The following COX10 variants were observed in gnomAD, a reference collection of about 807,000 sequenced individuals.
COX10 encodes cytochrome c oxidase assembly factor heme A:farnesyltransferase COX10.
COX10 carries 27 observed loss-of-function variants against 37.3 expected under a neutral mutation model. The ratio of observed to expected loss-of-function variants is 0.72; its 90% CI spans 0.53 to 1.00. The LOEUF is 1.00. COX10 is among the 50% of genes least tolerant of loss of function. COX10 has a pLI of 0.00. For synonymous variants in COX10, 222 were observed against 229.1 expected, an observed-to-expected ratio of 0.97 and a Z score of 0.28; for missense variants, 475 against 563.2, an observed-to-expected ratio of 0.84 and a Z score of 1.59.
intron 5 of COX10, among the ~76,000 whole-genome samples, chr17:14,188,850 A>G (rs574595022): frequency 1.7e-3 from 259 of 150,278 alleles, no homozygotes; most frequent in Non-Finnish European, 3.0e-3. Context: ...TTTTCAAAAC[A>G]CTCTCATAAT....
rs1356460552 is a variant in COX10 at position 14,094,303 on chromosome 17, A to G, written c.500-7815A>G. ...ATATTTATAATATTTATGCTATTAT[A>G]TATAAATATATATAAATGGATAGTT... is the stretch of plus-strand genomic sequence containing the variant. On this transcript the variant is annotated intron_variant, in intron 3 of 6. Coordinates refer to ENST00000261643, the MANE Select transcript of COX10 (RefSeq NM_001303.4). Among the ~76,000 whole-genome samples the G allele has an allele frequency of 2.7e-5, 4 of 150,604 alleles. 1 individual carries two copies. Among genetic ancestry groups the G allele is most frequent in the South Asian group, 4.2e-4 (2 of 4,810 alleles).
chr17:14,076,131 T>TG (rs59913900), intron 2 of COX10, among the ~76,000 whole-genome samples: 2 of 146,578 alleles, frequency 1.4e-5, no homozygotes, highest in East Asian at 2.0e-4. Context: ...TTTTTTTTTT[T>TG]GTGAGACAGG....
intron 5 of COX10, among the ~76,000 whole-genome samples, chr17:14,172,578 CTTTTTTTTTTTT>C (rs57560461): frequency 1.9e-5 from 2 of 105,636 alleles, no homozygotes; most frequent in African/African-American, 6.8e-5. Context: ...TTTTCTTTTT[CTTTTTTTTTTTT>C]TTTTTTTTGA....
chr17:14,102,514 ACTTTC>A (rs1915807329), intron 4 of COX10, among the ~76,000 whole-genome samples: 1 of 152,118 alleles, frequency 6.6e-6, no homozygotes, highest in African/African-American at 2.4e-5. Context: ...AGCTGTCATA[ACTTTC>A]TACTCTTAGT....
intron 4 of COX10, among the ~76,000 whole-genome samples, chr17:14,149,111 C>T (rs1437148037): frequency 1.3e-5 from 2 of 150,994 alleles, no homozygotes; most frequent in East Asian, 3.9e-4. Context: ...AGATATTTAT[C>T]CATTGGTATA....
At chr17:14,137,513 A>G (rs993408566) in intron 4 of COX10, among the ~76,000 whole-genome samples, 2 of 151,956 alleles carry the variant, frequency 1.3e-5, no homozygotes, top group Admixed American at 6.6e-5. Flanking sequence ...AGAAATTAAC[A>G]TATCCTAAGT....
At chr17:14,101,160 A>G (rs1024058577) in intron 3 of COX10, among the ~76,000 whole-genome samples, 1 of 152,182 alleles carries the variant, frequency 6.6e-6, no homozygotes, top group African/African-American at 2.4e-5. Flanking sequence ...GACAAAGGAG[A>G]TAATCAAATA....
intron 5 of COX10, among the ~76,000 whole-genome samples, chr17:14,165,752 G>A (rs527990425): frequency 9.2e-5 from 14 of 152,344 alleles, no homozygotes; most frequent in Admixed American, 2.0e-4. Context: ...GCACCAAACA[G>A]CCATGTTGTG....
chr17:14,179,350 T>C (rs2856147), intron 5 of COX10: 1 of 251,548 alleles, frequency 4.0e-6, no homozygotes. Context: ...TTCTTAAAGA[T>C]GTCAAGGCCT....
At chr17:14,191,145 C>G (rs1906188386) in intron 5 of COX10, among the ~76,000 whole-genome samples, 1 of 151,888 alleles carries the variant, frequency 6.6e-6, no homozygotes, top group Admixed American at 6.6e-5. Context: ...ACTAGTAGAT[C>G]CAATTTATCT....
chr17:14,077,237 A>G, intron 3 of COX10, 181 bp downstream of exon 3: 1 of 623,844 alleles, frequency 1.6e-6, no homozygotes, highest in South Asian at 2.0e-5. Context: ...TTTACACAGA[A>G]TTGTAAATAG....
intron 4 of COX10, among the ~76,000 whole-genome samples, chr17:14,143,397 A>G (rs552248358): frequency 4.7e-4 from 71 of 152,276 alleles, no homozygotes; most frequent in African/African-American, 1.7e-3. Context: ...AGTTACTTTA[A>G]AATACATTTA....
At chr17:14,172,035 T>C (rs943620151) in intron 5 of COX10, among the ~76,000 whole-genome samples, 1 of 152,206 alleles carries the variant, frequency 6.6e-6, no homozygotes, top group African/African-American at 2.4e-5. Flanking sequence ...CTTCAGCCCA[T>C]CATCAGTTTT....
chr17:14,169,307 C>G (rs1284461640), intron 5 of COX10, among the ~76,000 whole-genome samples: 1 of 152,216 alleles, frequency 6.6e-6, no homozygotes, highest in East Asian at 1.9e-4. Flanking sequence ...ACTTCATTGT[C>G]TGTATCACTA....
At chr17:14,174,479 C>T (rs748351779) in intron 5 of COX10, among the ~76,000 whole-genome samples, 41 of 144,668 alleles carry the variant, frequency 2.8e-4, no homozygotes, top group Non-Finnish European at 5.4e-4. Context: ...AAAAAAAGTG[C>T]GTGAAAGATT....
intron 4 of COX10, among the ~76,000 whole-genome samples, chr17:14,156,714 G>C (rs1019341091): frequency 2.0e-5 from 3 of 152,118 alleles, no homozygotes; most frequent in African/African-American, 7.2e-5. Flanking sequence ...ATCTAGCCCT[G>C]CTCAGCCTTT....
intron 6 of COX10, among the ~76,000 whole-genome samples, chr17:14,198,025 C>T (rs1906419562): frequency 6.6e-6 from 1 of 152,082 alleles, no homozygotes; most frequent in African/African-American, 2.4e-5. Flanking sequence ...TAGCAAAAAC[C>T]ATTAAAAATG....
intron 4 of COX10, among the ~76,000 whole-genome samples, chr17:14,155,259 TTTGA>T (rs1278145098): frequency 6.6e-6 from 1 of 151,740 alleles, no homozygotes; most frequent in African/African-American, 2.4e-5. Flanking sequence ...GGAGAGGCAC[TTTGA>T]TTTTCGTGGA....
chr17:14,206,504 C>T lies in COX10; in HGVS notation c.929-306C>T, dbSNP rs541585853. Among the ~76,000 whole-genome samples, 128 of 152,210 alleles carry T rather than the reference C, an allele frequency of 8.4e-4. 1 individual carries two copies. Among genetic ancestry groups the T allele is most frequent in the African/African-American group, 2.9e-3 (122 of 41,560 alleles). On this transcript the variant is annotated intron_variant, in intron 6 of 6. Transcript: ENST00000261643. ...GTGGGCAGGAGCCAGCGATGGTAAG[C>T]GTCCTGCAGCGCAGGCAGCCCCCCT...
Sources: gnomAD v4.1 joint callset for allele counts (sites outside exome capture counted in the v4.1 genomes callset) on GRCh38, gnomAD v4.1.1 for gene constraint, MANE v1.5 for transcripts, NCBI Gene and HGNC (gene_info 2026-07-23, HGNC 2026-07-21) for gene names.